Variants in COL19A1 observed in about 807,000 individuals in gnomAD.
COL19A1 encodes collagen alpha-1(XIX) chain.
A neutral mutation model predicts 190.2 loss-of-function variants in COL19A1; 159 were observed. That is an observed-to-expected ratio of 0.84 (90% CI 0.73 to 0.95). The LOEUF is 0.95. Ranked by LOEUF, COL19A1 falls within the 40% of genes least tolerant of loss-of-function variation. The pLI, the probability that COL19A1 is intolerant of heterozygous loss-of-function variation, is 0.00. For missense variants in COL19A1, 1,418 were observed against 1,431.9 expected, an observed-to-expected ratio of 0.99 and a Z score of 0.16; for synonymous variants, 509 against 458.9, an observed-to-expected ratio of 1.11 and a Z score of -1.39.
intron 49 of COL19A1, among the ~76,000 whole-genome samples, chr6:70,203,097 G>A (rs940699311): frequency 2.0e-5 from 3 of 152,130 alleles, no homozygotes; most frequent in Admixed American, 2.0e-4. Flanking sequence ...ATATAAACAG[G>A]AGAGGCAAAT....
intron 14 of COL19A1, among the ~76,000 whole-genome samples, chr6:70,066,331 C>A (rs1781193777): frequency 6.6e-6 from 1 of 152,014 alleles, no homozygotes; most frequent in Non-Finnish European, 1.5e-5. Flanking sequence ...CCATCATTCT[C>A]AGCAAACTAT....
chr6:70,187,383 G>C (rs1442722766), intron 46 of COL19A1, among the ~76,000 whole-genome samples: 1 of 151,996 alleles, frequency 6.6e-6, no homozygotes, highest in African/African-American at 2.4e-5. Flanking sequence ...CAAACCTGAA[G>C]AGTCTAATAA....
At chr6:70,035,088 C>G (rs1173290026) in intron 13 of COL19A1, among the ~76,000 whole-genome samples, 1 of 152,134 alleles carries the variant, frequency 6.6e-6, no homozygotes, top group Non-Finnish European at 1.5e-5. Context: ...AGAGAAAGTC[C>G]TAAAGATACT....
intron 16 of COL19A1, among the ~76,000 whole-genome samples, chr6:70,116,628 A>G (rs1784594060): frequency 6.6e-6 from 1 of 151,344 alleles, no homozygotes; most frequent in Admixed American, 6.6e-5. Context: ...CTATGTCTGA[A>G]TTTAGGCTTC....
chr6:69,902,856 C>A (rs186726185), intron 4 of COL19A1, among the ~76,000 whole-genome samples: 2 of 152,180 alleles, frequency 1.3e-5, no homozygotes, highest in Non-Finnish European at 2.9e-5. Flanking sequence ...CAACCATCTA[C>A]GGTGAGGGGC....
intron 11 of COL19A1, among the ~76,000 whole-genome samples, chr6:69,998,997 T>TC (rs1465488285): frequency 2.6e-5 from 4 of 151,842 alleles, no homozygotes; most frequent in African/African-American, 9.7e-5. Flanking sequence ...TGATTTTGGC[T>TC]CACTGCAACC....
chr6:70,112,047 A>G (rs1784314722), intron 16 of COL19A1, among the ~76,000 whole-genome samples: 1 of 152,140 alleles, frequency 6.6e-6, no homozygotes, highest in Admixed American at 6.6e-5. Context: ...TTTTAAAGAG[A>G]ATGAATGTTA....
At chr6:70,079,947 T>C (rs1782138729) in intron 15 of COL19A1, among the ~76,000 whole-genome samples, 1 of 151,976 alleles carries the variant, frequency 6.6e-6, no homozygotes. Context: ...AAACTGAAGA[T>C]GCAAGCACAA....
chr6:70,065,758 A>G (rs1781149643), intron 14 of COL19A1, among the ~76,000 whole-genome samples: 1 of 152,212 alleles, frequency 6.6e-6, no homozygotes, highest in African/African-American at 2.4e-5. Flanking sequence ...AAACAAATTT[A>G]CAAGAAAAAA....
At chr6:70,010,383 C>T (rs2150094224) in intron 11 of COL19A1, among the ~76,000 whole-genome samples, 1 of 126,980 alleles carries the variant, frequency 7.9e-6, no homozygotes, top group East Asian at 3.4e-4. Flanking sequence ...AGGAACAGCT[C>T]CGGTCTACAG....
Position 70,124,138 on chromosome 6 carries a change from T to C in COL19A1, c.1341+2196T>C, listed in dbSNP as rs188807592. On this transcript the variant is annotated intron_variant, in intron 17 of 50. Transcript: ENST00000620364. ...AAAAACTGTACTGGCTTTTTCAAAA[T>C]ATTAAGGCTTAGCACAAGTGAAAAA... is the stretch of plus-strand genomic sequence containing the variant. Among the ~76,000 whole-genome samples, 49 of 152,128 alleles carry C rather than the reference T, an allele frequency of 3.2e-4. No individual in the cohort carries two copies. The East Asian group carries it at 8.3e-3, about 26-fold the overall frequency.
At chr6:70,142,627 A>G in intron 22 of COL19A1, 140 bp from the exon 23 acceptor site, 1 of 648,930 alleles carries the variant, frequency 1.5e-6, no homozygotes, top group Non-Finnish European at 2.6e-6. Context: ...TATTATACAG[A>G]TAAAGTGGGA....
At chr6:70,019,703 T>C (rs1353326946) in intron 11 of COL19A1, among the ~76,000 whole-genome samples, 1 of 152,136 alleles carries the variant, frequency 6.6e-6, no homozygotes, top group East Asian at 1.9e-4. Context: ...TGTAAAGAAA[T>C]CACCACAGAT....
chr6:70,047,857 C>G (rs1779992624), intron 14 of COL19A1, among the ~76,000 whole-genome samples: 1 of 152,098 alleles, frequency 6.6e-6, no homozygotes, highest in Non-Finnish European at 1.5e-5. Flanking sequence ...ATCTCCTTTT[C>G]TCTTCCAGTC....
chr6:70,096,104 G>C (rs1241419504), intron 15 of COL19A1, among the ~76,000 whole-genome samples: 1 of 135,662 alleles, frequency 7.4e-6, no homozygotes, highest in Non-Finnish European at 1.5e-5. Context: ...TTTTTTGAGA[G>C]AGGGTCTCAC....
chr6:70,040,318 A>G (rs1054765215), intron 14 of COL19A1, among the ~76,000 whole-genome samples: 3 of 152,188 alleles, frequency 2.0e-5, no homozygotes, highest in Non-Finnish European at 4.4e-5. Context: ...AAGGAGTAGG[A>G]AAGGTAAAAT....
intron 4 of COL19A1, among the ~76,000 whole-genome samples, chr6:69,925,976 G>C (rs1347496450): frequency 6.6e-6 from 1 of 152,182 alleles, no homozygotes; most frequent in Non-Finnish European, 1.5e-5. Flanking sequence ...TCAGCTGAAG[G>C]AGATTTTGGG....
At chr6:70,186,781 A>G (rs1766544239) in intron 46 of COL19A1, among the ~76,000 whole-genome samples, 1 of 152,194 alleles carries the variant, frequency 6.6e-6, no homozygotes, top group Non-Finnish European at 1.5e-5. Context: ...CCAGGATAAA[A>G]AACAGCATCA....
chr6:70,171,687 C>A (rs1041541992), intron 40 of COL19A1, among the ~76,000 whole-genome samples: 5 of 152,146 alleles, frequency 3.3e-5, no homozygotes, highest in Non-Finnish European at 5.9e-5. Flanking sequence ...GGAGTTATCA[C>A]TGAGTAGAGG....
Sources: gnomAD v4.1 joint callset for allele counts (sites outside exome capture counted in the v4.1 genomes callset) on GRCh38, gnomAD v4.1.1 for gene constraint, MANE v1.5 for transcripts, NCBI Gene and HGNC (gene_info 2026-07-23, HGNC 2026-07-21) for gene names.